The following LRMDA variants were observed in gnomAD, a reference collection of about 807,000 sequenced individuals.
LRMDA encodes the protein leucine rich melanocyte differentiation associated, also known as leucine-rich melanocyte differentiation-associated protein.
Under a neutral mutation model 29.8 loss-of-function variants are expected in LRMDA, and 18 were observed. The observed-to-expected ratio is 0.60, with a 90% CI of 0.42 to 0.90. The LOEUF (loss-of-function observed/expected upper bound fraction) is 0.90, where lower values mean the gene tolerates loss of function less well. LRMDA is among the 40% of genes least tolerant of loss of function. The pLI is 0.00. For synonymous variants in LRMDA, 125 were observed against 109.4 expected (o/e 1.14, Z -0.89); for missense variants, 273 against 273.9 (o/e 1.00, Z 0.02).
chr10:75,771,265 T>G (rs1843237127), intron 2 of LRMDA, among the ~76,000 whole-genome samples: 1 of 151,960 alleles, frequency 6.6e-6, no homozygotes, highest in Non-Finnish European at 1.5e-5. Flanking sequence ...CCTTCCCTCC[T>G]TCCTTCCATC....
intron 6 of LRMDA, among the ~76,000 whole-genome samples, chr10:76,457,783 C>T (rs1368575838): frequency 2.6e-5 from 4 of 151,000 alleles, no homozygotes; most frequent in Non-Finnish European, 5.9e-5. Context: ...TGACCAGAGG[C>T]TTTCAGGAAC....
intron 5 of LRMDA, among the ~76,000 whole-genome samples, chr10:76,274,143 G>A (rs1253479178): frequency 6.6e-6 from 1 of 152,104 alleles, no homozygotes; most frequent in Non-Finnish European, 1.5e-5. Context: ...AGGATCACCA[G>A]TTCCAAATAT....
At chr10:76,044,227 C>T (rs1050562433) in intron 3 of LRMDA, among the ~76,000 whole-genome samples, 5 of 152,234 alleles carry the variant, frequency 3.3e-5, no homozygotes, top group African/African-American at 4.8e-5. Flanking sequence ...TTGGAGCAAA[C>T]CATGAAGGGG....
At chr10:76,251,226 C>CTTTTTTT (rs558637864) in intron 5 of LRMDA, among the ~76,000 whole-genome samples, 2 of 70,306 alleles carry the variant, frequency 2.8e-5, no homozygotes, top group Admixed American at 2.0e-4. Context: ...CCCGTCGCTT[C>CTTTTTTT]TTTTTTTTTT....
At chr10:75,921,700 T>C (rs952832452) in intron 2 of LRMDA, among the ~76,000 whole-genome samples, 2 of 152,232 alleles carry the variant, frequency 1.3e-5, no homozygotes, top group African/African-American at 4.8e-5. Flanking sequence ...GATTCCAAAG[T>C]GACTTCCTGG....
chr10:76,356,855 T>C (rs1841246800), intron 6 of LRMDA, among the ~76,000 whole-genome samples: 1 of 152,158 alleles, frequency 6.6e-6, no homozygotes, highest in African/African-American at 2.4e-5. Context: ...AGGGTCATCT[T>C]TGGGTCACAT....
At chr10:75,620,987 G>A (rs4339980) in intron 2 of LRMDA, among the ~76,000 whole-genome samples, 111,495 of 152,026 alleles carry the variant, frequency 0.73, 41,886 homozygotes, top group African/African-American at 0.9. Context: ...ATCCCTCACC[G>A]CCTTCACCAT....
At chr10:75,836,018 G>T (rs966874003) in intron 2 of LRMDA, among the ~76,000 whole-genome samples, 1 of 152,158 alleles carries the variant, frequency 6.6e-6, no homozygotes, top group Non-Finnish European at 1.5e-5. Context: ...CTCTTAGAAG[G>T]CACTTGCACT....
At chr10:75,690,929 A>G (rs999616963) in intron 2 of LRMDA, among the ~76,000 whole-genome samples, 3 of 148,048 alleles carry the variant, frequency 2.0e-5, no homozygotes, top group Non-Finnish European at 4.5e-5. Flanking sequence ...GCTGTGACCT[A>G]TGATTGAGCC....
chr10:75,924,804 G>C (rs781645756), intron 2 of LRMDA, among the ~76,000 whole-genome samples: 4 of 152,096 alleles, frequency 2.6e-5, no homozygotes, highest in Non-Finnish European at 5.9e-5. Flanking sequence ...GGTGGGGGAG[G>C]CTTCGTATGT....
At chr10:75,765,223 T>C (rs958109499) in intron 2 of LRMDA, among the ~76,000 whole-genome samples, 5 of 152,092 alleles carry the variant, frequency 3.3e-5, no homozygotes, top group African/African-American at 1.2e-4. Context: ...TCTTTTTTTT[T>C]TTTCTTTTCC....
At chr10:76,311,909 G>T (rs201659914) in intron 5 of LRMDA, among the ~76,000 whole-genome samples, 1 of 152,276 alleles carries the variant, frequency 6.6e-6, no homozygotes, top group East Asian at 1.9e-4. Context: ...ATGCAGTGGT[G>T]CCCTGCCACC....
chr10:76,114,876 C>CT (rs1849642659), intron 5 of LRMDA, among the ~76,000 whole-genome samples: 1 of 152,236 alleles, frequency 6.6e-6, no homozygotes, highest in Admixed American at 6.5e-5. Flanking sequence ...CCAGGGCTTG[C>CT]TTGTCCCCCC....
At chr10:76,436,192 G>A (rs181120695) in intron 6 of LRMDA, among the ~76,000 whole-genome samples, 154 of 152,308 alleles carry the variant, frequency 1.0e-3, no homozygotes, top group African/African-American at 3.6e-3. Context: ...GTTGGTGGCA[G>A]AGTTAGTGAA....
At chr10:76,443,048 A>G (rs893170336) in intron 6 of LRMDA, among the ~76,000 whole-genome samples, 2 of 152,170 alleles carry the variant, frequency 1.3e-5, no homozygotes, top group Non-Finnish European at 2.9e-5. Flanking sequence ...AAACACGGCC[A>G]AGGATGAATT....
intron 2 of LRMDA, among the ~76,000 whole-genome samples, chr10:75,914,618 G>T (rs1845899612): frequency 6.6e-6 from 1 of 152,176 alleles, no homozygotes; most frequent in African/African-American, 2.4e-5. Flanking sequence ...TTATGGATCT[G>T]AAATTGTGAT....
chr10:76,444,298 C>A (rs552249310), intron 6 of LRMDA, among the ~76,000 whole-genome samples: 1 of 152,212 alleles, frequency 6.6e-6, no homozygotes, highest in African/African-American at 2.4e-5. Flanking sequence ...CTCAGCCCAG[C>A]AAAGGAGTAC....
intron 5 of LRMDA, among the ~76,000 whole-genome samples, chr10:76,062,615 A>T (rs1848718911): frequency 6.6e-6 from 1 of 150,846 alleles, no homozygotes; most frequent in Non-Finnish European, 1.5e-5. Context: ...TTAGGAAGTG[A>T]TAGCTGAATG....
At position 76,299,792 on chromosome 10, in the gene LRMDA, T is replaced by G. The variant is rs571033070; in HGVS notation, c.517-24609T>G. Among the ~76,000 whole-genome samples the G allele has an allele frequency of 1.5e-4, 23 of 152,282 alleles. No individual in the cohort carries two copies. The South Asian group carries it at 4.6e-3, about 30-fold the overall frequency. ...GCTAACCTTTGGCTGGTTGTAGGAA[T>G]GAATGAGTTTTGTCCTCTAGAAAGA... On this transcript the variant is annotated intron_variant, in intron 5 of 6. Transcript: ENST00000611255.
Sources: allele counts gnomAD v4.1 joint callset (sites outside exome capture counted in the v4.1 genomes callset), GRCh38; gene constraint gnomAD v4.1.1; transcripts MANE v1.5; gene names NCBI Gene and HGNC (gene_info 2026-07-23, HGNC 2026-07-21).